CDK8: variants seen among roughly 807,000 people sequenced by gnomAD.
CDK8 encodes the protein cyclin-dependent kinase 8.
CDK8 carries 29 observed loss-of-function variants against 71.5 expected under a neutral mutation model. The observed-to-expected ratio is 0.41, with a 90% CI of 0.30 to 0.55. The LOEUF (loss-of-function observed/expected upper bound fraction) is 0.55, where lower values mean the gene tolerates loss of function less well. CDK8 is among the 20% of genes least tolerant of loss of function. The probability of loss-of-function intolerance (pLI) is 0.37; values close to 1 mark genes in which losing one functional copy is unlikely to be tolerated. For missense variants in CDK8, 288 were observed against 572.6 expected, an observed-to-expected ratio of 0.50 and a Z score of 5.07; for synonymous variants, 161 against 192.1, an observed-to-expected ratio of 0.84 and a Z score of 1.34.
At chr13:26,265,659 C>T (rs547093051) in intron 1 of CDK8, among the ~76,000 whole-genome samples, 10 of 152,084 alleles carry the variant, frequency 6.6e-5, no homozygotes, top group African/African-American at 1.4e-4. Flanking sequence ...GCAGCTGCCA[C>T]TGAGTAGCAT....
chr13:26,386,342 TATC>T (rs1875475513), intron 6 of CDK8, among the ~76,000 whole-genome samples: 1 of 152,224 alleles, frequency 6.6e-6, no homozygotes. Flanking sequence ...TTGGTTGCAT[TATC>T]ATCAAGTAGT....
chr13:26,284,182 A>G (rs1190498602), intron 1 of CDK8, among the ~76,000 whole-genome samples: 8 of 152,224 alleles, frequency 5.3e-5, no homozygotes, highest in Non-Finnish European at 1.2e-4. Context: ...GCCTGCATCA[A>G]AAAGTCTGAA....
intron 1 of CDK8, among the ~76,000 whole-genome samples, chr13:26,330,458 C>T (rs942147422): frequency 3.9e-5 from 6 of 152,232 alleles, no homozygotes; most frequent in African/African-American, 9.6e-5. Flanking sequence ...GCCCGCCTTT[C>T]CCTCCCCAAG....
intron 1 of CDK8, among the ~76,000 whole-genome samples, chr13:26,257,917 TGTGTGAGA>T (rs1428717371): frequency 0.025 from 3,593 of 141,868 alleles, 146 homozygotes; most frequent in African/African-American, 0.1. Context: ...TGTGTGTGTG[TGTGTGAGA>T]GAGAGAGAGA....
chr13:26,299,289 G>C (rs959876075), intron 1 of CDK8, among the ~76,000 whole-genome samples: 7 of 152,124 alleles, frequency 4.6e-5, no homozygotes, highest in Non-Finnish European at 1.0e-4. Context: ...AGTTACTTGT[G>C]AGTTAACCAT....
chr13:26,258,145 T>C (rs1871611015), intron 1 of CDK8, among the ~76,000 whole-genome samples: 2 of 152,168 alleles, frequency 1.3e-5, no homozygotes, highest in South Asian at 4.1e-4. Flanking sequence ...AACTGAGGCT[T>C]AGAAAGGTTA....
At chr13:26,351,853 G>T (rs1256232506) in intron 3 of CDK8, among the ~76,000 whole-genome samples, 1 of 152,126 alleles carries the variant, frequency 6.6e-6, no homozygotes, top group Admixed American at 6.5e-5. Flanking sequence ...GGGTAACAAG[G>T]CAGTCGCAAT....
intron 4 of CDK8, among the ~76,000 whole-genome samples, chr13:26,376,527 T>A (rs1445471128): frequency 6.6e-6 from 1 of 152,232 alleles, no homozygotes; most frequent in Non-Finnish European, 1.5e-5. Flanking sequence ...AGAAGTAAGT[T>A]GTATCTGTGC....
At chr13:26,402,639 C>G (rs1876318334) in intron 12 of CDK8, among the ~76,000 whole-genome samples, 1 of 152,198 alleles carries the variant, frequency 6.6e-6, no homozygotes, top group Admixed American at 6.5e-5. Flanking sequence ...TTCCAGTTAG[C>G]TAAACAAGGA....
intron 1 of CDK8, among the ~76,000 whole-genome samples, chr13:26,303,675 T>C (rs186380745): frequency 1.2e-4 from 18 of 152,372 alleles, no homozygotes; most frequent in Admixed American, 6.5e-4. Context: ...AAAACATTTA[T>C]GATTTCAGTT....
At chr13:26,269,530 T>C (rs1263306653) in intron 1 of CDK8, among the ~76,000 whole-genome samples, 1 of 151,734 alleles carries the variant, frequency 6.6e-6, no homozygotes, top group Non-Finnish European at 1.5e-5. Context: ...TCTTACTTGA[T>C]CTATTTCTCT....
intron 4 of CDK8, among the ~76,000 whole-genome samples, chr13:26,370,223 C>T (rs1256643096): frequency 2.0e-5 from 3 of 152,164 alleles, no homozygotes; most frequent in Non-Finnish European, 4.4e-5. Context: ...AACCCTAAAC[C>T]ATTATCACCT....
intron 4 of CDK8, among the ~76,000 whole-genome samples, chr13:26,356,801 C>G (rs1873917716): frequency 1.3e-5 from 2 of 152,088 alleles, no homozygotes; most frequent in South Asian, 4.1e-4. Flanking sequence ...TTGTTACTTG[C>G]ATATGAAATA....
At chr13:26,268,690 T>C (rs1006431621) in intron 1 of CDK8, among the ~76,000 whole-genome samples, 5 of 152,324 alleles carry the variant, frequency 3.3e-5, no homozygotes, top group East Asian at 1.9e-4. Context: ...ATATAGGTAT[T>C]TAAAATTACA....
chr13:26,282,920 TATATC>T (rs1872823020), intron 1 of CDK8, among the ~76,000 whole-genome samples: 1 of 152,208 alleles, frequency 6.6e-6, no homozygotes, highest in Admixed American at 6.5e-5. Context: ...TAGCTATTCT[TATATC>T]AGACAAACTT....
At chr13:26,262,904 T>C (rs984255182) in intron 1 of CDK8, among the ~76,000 whole-genome samples, 1 of 152,222 alleles carries the variant, frequency 6.6e-6, no homozygotes. Context: ...ACAAGTTCTT[T>C]AAAGTCTATA....
At chr13:26,309,863 T>A (rs191439169) in intron 1 of CDK8, among the ~76,000 whole-genome samples, 1 of 152,192 alleles carries the variant, frequency 6.6e-6, no homozygotes, top group Admixed American at 6.5e-5. Context: ...CTTGGCTCAC[T>A]GTACCCTCAG....
intron 2 of CDK8, among the ~76,000 whole-genome samples, chr13:26,338,749 A>G (rs968827922): frequency 2.0e-5 from 3 of 152,150 alleles, no homozygotes; most frequent in Admixed American, 6.5e-5. Flanking sequence ...TTCTGTATAT[A>G]CTCGTCAGTT....
chr13:26,383,834 T>G (rs1875346364), intron 5 of CDK8, among the ~76,000 whole-genome samples: 1 of 152,208 alleles, frequency 6.6e-6, no homozygotes, highest in African/African-American at 2.4e-5. Flanking sequence ...TGAGGAAATT[T>G]GATGTGCCTT....
Sources: allele counts gnomAD v4.1 joint callset (sites outside exome capture counted in the v4.1 genomes callset), GRCh38; gene constraint gnomAD v4.1.1; transcripts MANE v1.5; gene names NCBI Gene and HGNC (gene_info 2026-07-23, HGNC 2026-07-21).